GNLY: variants seen among roughly 807,000 people sequenced by gnomAD.
GNLY encodes granulysin.
GNLY carries 15 observed loss-of-function variants against 18.5 expected under a neutral mutation model. The ratio of observed to expected loss-of-function variants is 0.81; its 90% CI spans 0.54 to 1.25. GNLY has a LOEUF of 1.25. GNLY is among the 50% of genes most tolerant of loss of function. The pLI, the probability that GNLY is intolerant of heterozygous loss-of-function variation, is 0.00. For missense variants in GNLY, 178 were observed against 186.9 expected (o/e 0.95, Z 0.28); for synonymous variants, 77 against 74.9 (o/e 1.03, Z -0.14).
intron 3 of GNLY, chr2:85,697,121 G>C (rs536178811): frequency 1.1e-5 from 2 of 181,490 alleles, no homozygotes; most frequent in East Asian, 1.7e-4. Flanking sequence ...CACCCCACCA[G>C]TCTTCTCTAT....
chr2:85,694,932 G>A, intron 1 of GNLY: 1 of 1,578,124 alleles, frequency 6.3e-7, no homozygotes. Flanking sequence ...AGGTCAGTGT[G>A]AGCCCCAAGG....
At chr2:85,694,617 C>A in intron 1 of GNLY, 147 bp downstream of exon 1, 1 of 1,026,978 alleles carries the variant, frequency 9.7e-7, no homozygotes, top group Non-Finnish European at 1.4e-6. Context: ...CCTGGCCTCC[C>A]CTCAGAGCCA....
rs1019725581 is a variant in GNLY, at chr2:85,694,819, C to T, written c.52+349C>T. 8.1e-6 allele frequency: 12 copies of T among 1,481,294 alleles called. No homozygotes were observed. In the Admixed American group the frequency reaches 2.9e-4, roughly 36 times the overall value. 91.8% of individuals were successfully genotyped at this position (1,481,294 alleles called of 1,614,324 possible). A position where few individuals can be genotyped will look rare whatever the true frequency, so the allele number is the denominator to read the frequency against. ...ATCGGTGGATCTGCGTTTCCTCGGG[C>T]CTACACTGTCTAGGATTGTGCGGGG... On this transcript the variant is annotated intron_variant, in intron 1 of 4. Transcript: ENST00000263863.
chr2:85,697,217 G>A (rs951604972), intron 3 of GNLY: 2 of 377,536 alleles, frequency 5.3e-6, no homozygotes, highest in Non-Finnish European at 9.8e-6. Flanking sequence ...TGGCAGCCAT[G>A]GGCACCATTC....
chr2:85,697,700 G>C, intron 4 of GNLY, 23 bp downstream of exon 4: 1 of 1,550,520 alleles, frequency 6.4e-7, no homozygotes, highest in Non-Finnish European at 8.9e-7. Context: ...GTGACAGCAG[G>C]GATACCTCCT....
rs754944334 is a variant in GNLY at position 85,694,493 on chromosome 2, G to A, written c.52+23G>A. 13 of 1,609,658 alleles carry A rather than the reference G, an allele frequency of 8.1e-6. No individual in the cohort carries two copies. The South Asian group carries it at 8.8e-5, about 11-fold the overall frequency. The stretch of plus-strand genomic sequence containing the variant: ...CAGGTAAGGCCTTCCCCTCGGGATC[G>A]ATCCTGATGGCCCACCCAGCCTCGC... On this transcript the variant is annotated intron_variant, in intron 1 of 4. Coordinates refer to ENST00000263863, the MANE Select transcript of GNLY (RefSeq NM_006433.5).
At chr2:85,698,315 G>C in intron 4 of GNLY, 1 of 700,778 alleles carries the variant, frequency 1.4e-6, no homozygotes, top group Non-Finnish European at 2.6e-6. Context: ...GCTGGCACTT[G>C]CCAATGCTCT....
At chr2:85,695,913 C>T (rs779471141) in intron 2 of GNLY, 45 bp from the exon 3 acceptor site, 2 of 1,155,704 alleles carry the variant, frequency 1.7e-6, no homozygotes, top group East Asian at 2.3e-5. Flanking sequence ...TCACGCGCTC[C>T]CAGAGTGTCT....
Position 85,694,474 on chromosome 2 carries a change from A to G in GNLY, c.52+4A>G. The G allele has an allele frequency of 6.2e-7, 1 of 1,613,532 alleles. No individual in the cohort carries two copies. Among genetic ancestry groups the G allele is most frequent in the Non-Finnish European group, 8.5e-7 (1 of 1,179,570 alleles). On this transcript the variant is annotated splice_donor_region_variant and intron_variant, in intron 1 of 4. Coordinates refer to ENST00000263863, the MANE Select transcript of GNLY (RefSeq NM_006433.5). ...GCCATGCTCCTGGGCAACCCAGGTA[A>G]GGCCTTCCCCTCGGGATCGATCCTG...
At chr2:85,697,713 G>A (rs756247033) in intron 4 of GNLY, 36 bp downstream of exon 4, 4 of 1,473,868 alleles carry the variant, frequency 2.7e-6, no homozygotes, top group Non-Finnish European at 3.8e-6. Flanking sequence ...TACCTCCTGA[G>A]GGTTGGAGAC....
At position 85,696,035 on chromosome 2, in the gene GNLY, G is replaced by A. The variant is rs757025306; in HGVS notation, c.234G>A (p.Lys78=). Residue 78 remains lysine (K), a synonymous_variant, in exon 3 of 5, where the codon AAG becomes AAA. Transcript: ENST00000263863. The part of the protein sequence containing the change: ...TCLTIVQKLK[K]MVDKPTQRSV... ...TGACGATAGTCCAAAAACTGAAGAA[G>A]ATGGTGGATAAGCCCACCCAGGTGA... 2 of 1,605,888 alleles carry A rather than the reference G, an allele frequency of 1.2e-6. No homozygotes were observed. Among genetic ancestry groups the A allele is most frequent in the South Asian group, 2.2e-5 (2 of 90,660 alleles).
chr2:85,695,513 T>C, intron 2 of GNLY, 90 bp downstream of exon 2: 1 of 766,542 alleles, frequency 1.3e-6, no homozygotes. Flanking sequence ...AGCTCTCTAA[T>C]GGTCAGGAGG....
intron 4 of GNLY, chr2:85,698,265 G>C (rs1467417271): frequency 3.2e-6 from 2 of 629,576 alleles, no homozygotes; most frequent in Non-Finnish European, 2.9e-6. Flanking sequence ...GTAGGAAATG[G>C]GGCCAGAAAG....
intron 4 of GNLY, 151 bp downstream of exon 4, chr2:85,697,828 A>G (rs1678521383): frequency 1.6e-6 from 1 of 634,922 alleles, no homozygotes; most frequent in Non-Finnish European, 2.8e-6. Flanking sequence ...AATGTTTGAG[A>G]AATACTGATT....
intron 2 of GNLY, among the ~76,000 whole-genome samples, chr2:85,695,697 A>G (rs927965378): frequency 6.6e-6 from 1 of 152,148 alleles, no homozygotes; most frequent in Non-Finnish European, 1.5e-5. Flanking sequence ...GAGTTCCTCA[A>G]TAGGAGAGGG....
Position 85,694,470 on chromosome 2 carries a change from G to A in GNLY, c.52G>A (p.Gly18Ser). The change falls in exon 1 of 5, where the codon GGT (glycine) becomes AGT (serine). Residue 18 changes from glycine to serine, a missense_variant and splice_region_variant. Physicochemically the swap from Gly to Ser is moderately conservative, Grantham distance 56. Transcript: ENST00000263863. ...LLAAMLLGNP[G>S]LVFSRLSPEY... ...TGCAGCCATGCTCCTGGGCAACCCA[G>A]GTAAGGCCTTCCCCTCGGGATCGAT... is the stretch of plus-strand genomic sequence containing the variant. 1 of 1,613,852 alleles carries A rather than the reference G, an allele frequency of 6.2e-7. No homozygotes were observed.
chr2:85,696,106 C>A, intron 3 of GNLY, 50 bp downstream of exon 3: 1 of 1,077,328 alleles, frequency 9.3e-7, no homozygotes, highest in Non-Finnish European at 1.4e-6. Context: ...AATGGAGGGG[C>A]CAGCCTGTGA....
At chr2:85,697,965 A>T (rs1678526778) in intron 4 of GNLY, among the ~76,000 whole-genome samples, 1 of 152,172 alleles carries the variant, frequency 6.6e-6, no homozygotes, top group Admixed American at 6.5e-5. Flanking sequence ...TGAAGGGGAG[A>T]TAGCAATCCT....
At position 85,698,514 on chromosome 2, in the gene GNLY, C is replaced by T. The variant is rs367932960; in HGVS notation, c.428-50C>T. The T allele has an allele frequency of 6.3e-5, 102 of 1,612,820 alleles. No individual in the cohort carries two copies. The Admixed American group carries it at 6.3e-4, about 10-fold the overall frequency. ...GTAACATTCTGAGTGCCTGCTTCTCCTTGAGGACCCACCACATCTGCCCAC... is the reference window on the plus strand; with the variant it reads ...GTAACATTCTGAGTGCCTGCTTCTCTTTGAGGACCCACCACATCTGCCCAC... On this transcript the variant is annotated intron_variant, in intron 4 of 4. Transcript: ENST00000263863.
Sources: gnomAD v4.1 joint callset for allele counts (sites outside exome capture counted in the v4.1 genomes callset) on GRCh38, gnomAD v4.1.1 for gene constraint, MANE v1.5 for transcripts, NCBI Gene and HGNC (gene_info 2026-07-23, HGNC 2026-07-21) for gene names.